The following CAGE1 variants were observed in gnomAD, a reference collection of about 807,000 sequenced individuals.
CAGE1 encodes cancer antigen 1, also known as cancer-associated gene 1 protein.
A neutral mutation model predicts 94.9 loss-of-function variants in CAGE1; 66 were observed. The observed-to-expected ratio is 0.70, with a 90% confidence interval of 0.57 to 0.85. The LOEUF (loss-of-function observed/expected upper bound fraction) is 0.85, where lower values mean the gene tolerates loss of function less well. Among genes scored for constraint, CAGE1 ranks in the 40% least tolerant of loss-of-function variants. The pLI is 0.00. For missense variants in CAGE1, 865 were observed against 950.4 expected (o/e 0.91, Z 1.18); for synonymous variants, 319 against 321.0 (o/e 0.99, Z 0.07).
chr6:7,369,535 T>C (rs1435830120), intron 6 of CAGE1, among the ~76,000 whole-genome samples: 1 of 152,200 alleles, frequency 6.6e-6, no homozygotes, highest in Non-Finnish European at 1.5e-5. Flanking sequence ...CCCCGACTCC[T>C]AACCAAACGT....
intron 4 of CAGE1, 68 bp from the exon 5 acceptor site, chr6:7,374,199 G>A: frequency 2.3e-6 from 3 of 1,315,012 alleles, no homozygotes; most frequent in East Asian, 2.3e-5. Flanking sequence ...AGTCAAATAG[G>A]GCTGGCCTTG....
intron 5 of CAGE1, among the ~76,000 whole-genome samples, chr6:7,372,867 G>A (rs753882001): frequency 3.2e-4 from 48 of 151,970 alleles, no homozygotes; most frequent in Non-Finnish European, 5.9e-4. Flanking sequence ...TTGTAGAGAT[G>A]GGGTCTCACT....
In CAGE1 at chr6:7,389,519, G is replaced by A. The variant is rs532284252; in HGVS notation, c.-341C>T. On this transcript the variant is annotated 5_prime_UTR_variant, in exon 1 of 14. Coordinates refer to ENST00000502583, the MANE Select transcript of CAGE1 (RefSeq NM_001170692.2). ...CGAGCGACCCTACTGTGGGTGCGGT[G>A]TCTTCCCAGAGAGTGGTGAAGTTAG... is the stretch of plus-strand genomic sequence containing the variant. 23 of 356,150 alleles carry A rather than the reference G, an allele frequency of 6.5e-5. No individual in the cohort carries two copies. The East Asian group carries it at 1.2e-3, about 18-fold the overall frequency. The allele number at this position is 356,150 out of a possible 1,614,324, so 22.1% of individuals were successfully genotyped here.
intron 11 of CAGE1, among the ~76,000 whole-genome samples, chr6:7,354,247 A>C (rs1759878060): frequency 6.6e-6 from 1 of 152,182 alleles, no homozygotes; most frequent in African/African-American, 2.4e-5. Flanking sequence ...CTTGGTTATA[A>C]GCTGAAGAGG....
intron 11 of CAGE1, among the ~76,000 whole-genome samples, chr6:7,334,504 G>T (rs183636115): frequency 6.6e-6 from 1 of 152,082 alleles, no homozygotes; most frequent in African/African-American, 2.4e-5. Context: ...TGAGGCAGGC[G>T]AGTCTCTTGA....
chr6:7,347,467 CT>C (rs1300885951), intron 11 of CAGE1: 3 of 140,816 alleles, frequency 2.1e-5, no homozygotes, highest in Admixed American at 7.8e-5. Flanking sequence ...CAAGCAGGCC[CT>C]TCCTGCCTGG....
In CAGE1 at chr6:7,368,762, T is replaced by G; in HGVS notation, c.1930A>C (p.Ser644Arg). The G allele has an allele frequency of 6.4e-7, 1 of 1,558,706 alleles. No homozygotes were observed. ...INSDAEHFKE[S>R]EKVSDIMLQK... is the part of the protein sequence containing the mutation. ...AGCATTATATCACTAACCTTCTCAC[T>G]CTCTTTGAAATGTTCAGCATCAGAA... Residue 644 changes from serine (S) to arginine (R), a missense_variant, in exon 7 of 14, where the codon AGT becomes CGT. Coordinates refer to ENST00000502583, the MANE Select transcript of CAGE1 (RefSeq NM_001170692.2).
intron 3 of CAGE1, among the ~76,000 whole-genome samples, chr6:7,379,840 T>C (rs139033803): frequency 2.5e-4 from 38 of 152,366 alleles, no homozygotes; most frequent in African/African-American, 8.2e-4. Context: ...AGTACTTTTT[T>C]TCACAGTACC....
At chr6:7,333,699 C>T (rs539716981) in intron 12 of CAGE1, among the ~76,000 whole-genome samples, 2 of 144,970 alleles carry the variant, frequency 1.4e-5, no homozygotes, top group South Asian at 4.3e-4. Context: ...GACAGAGTCC[C>T]ACTCTGTTGC....
Position 7,356,090 on chromosome 6 carries a change from G to T in CAGE1, c.2233C>A (p.His745Asn). 1 of 1,550,468 alleles carries T rather than the reference G, an allele frequency of 6.4e-7. No individual in the cohort carries two copies. Among genetic ancestry groups the T allele is most frequent in the Non-Finnish European group, 8.7e-7 (1 of 1,145,774 alleles). ...LGHLLESKEN[H>N]CNRLIEENDK... ...TTTTCTTCAATGAGTCTGTTGCAGT[G>T]GTTTTCTTTTGACTCTAGGAGATGT... The change falls in exon 10 of 14, where the codon CAC (histidine) becomes AAC (asparagine). Residue 745 changes from histidine to asparagine, a missense_variant. Coordinates refer to ENST00000502583, the MANE Select transcript of CAGE1 (RefSeq NM_001170692.2).
At chr6:7,376,250 G>A (rs927519085) in intron 4 of CAGE1, among the ~76,000 whole-genome samples, 8 of 151,932 alleles carry the variant, frequency 5.3e-5, no homozygotes, top group African/African-American at 1.2e-4. Flanking sequence ...TTAGCTGGGC[G>A]TGGTGGCACA....
At chr6:7,340,954 C>A in intron 11 of CAGE1, 1 of 431,406 alleles carries the variant, frequency 2.3e-6, no homozygotes, top group Non-Finnish European at 4.6e-6. Flanking sequence ...TACATACAGG[C>A]TTTGCCACAG....
intron 4 of CAGE1, among the ~76,000 whole-genome samples, 187 bp from the exon 5 acceptor site, chr6:7,374,318 G>A (rs1447838485): frequency 1.3e-5 from 2 of 152,128 alleles, no homozygotes; most frequent in African/African-American, 2.4e-5. Context: ...TGTATTAATT[G>A]CTAAATGTTT....
intron 13 of CAGE1, among the ~76,000 whole-genome samples, chr6:7,327,932 AAAATAAAT>A (rs56109246): frequency 0.053 from 7,880 of 149,636 alleles, 526 homozygotes; most frequent in African/African-American, 0.16. Flanking sequence ...CTCCGTCTAA[AAAATAAAT>A]AAATAAATAA....
intron 5 of CAGE1, among the ~76,000 whole-genome samples, chr6:7,372,676 T>C (rs1760580184): frequency 6.6e-6 from 1 of 152,108 alleles, no homozygotes. Flanking sequence ...TTTTTCTTTT[T>C]TTCTTTTTTT....
In CAGE1 at chr6:7,341,422, T is replaced by C. The variant is rs1023614674; in HGVS notation, c.2370-7332A>G. ...GTGATGGATTCATCAAAAACACAGA[T>C]AGCATGTAAATCTCATCTATGATCA... On this transcript the variant is annotated intron_variant, in intron 11 of 13. Coordinates refer to ENST00000502583, the MANE Select transcript of CAGE1 (RefSeq NM_001170692.2). The C allele has an allele frequency of 7.5e-6, 7 of 934,782 alleles. No homozygotes were observed. In the East Asian group the frequency reaches 1.0e-4, roughly 14 times the overall value. 57.9% of individuals were successfully genotyped at this position (934,782 alleles called of 1,614,324 possible).
Position 7,362,732 on chromosome 6 carries a change from CA to C in CAGE1, c.2193+2735del, listed in dbSNP as rs1284912983. 6.6e-6 allele frequency among the ~76,000 whole-genome samples: 1 copy of C among 152,010 alleles called. No homozygotes were observed. Among genetic ancestry groups the C allele is most frequent in the Non-Finnish European group, 1.5e-5 (1 of 67,968 alleles). ...TCTTCTGGAGTACATTCTGCACTAC[CA>C]AAAAATAAAAACAAAATCCTTTTTA... is the stretch of plus-strand genomic sequence containing the variant. On this transcript the variant is annotated intron_variant, in intron 9 of 13. Transcript: ENST00000502583. The surrounding 1 kb of genome is among the most constrained non-coding windows in gnomAD (Gnocchi z 4.1).
chr6:7,353,064 C>A (rs1245688706), intron 11 of CAGE1, among the ~76,000 whole-genome samples: 1 of 152,074 alleles, frequency 6.6e-6, no homozygotes, highest in South Asian at 2.1e-4. Flanking sequence ...AACTAAAGAG[C>A]TTTTGCATGG....
intron 11 of CAGE1, among the ~76,000 whole-genome samples, chr6:7,346,822 C>G (rs757244119): frequency 1.1e-4 from 16 of 151,180 alleles, no homozygotes; most frequent in Non-Finnish European, 2.2e-4. Flanking sequence ...TGTGCCACTG[C>G]ACTCCAGCCT....
Sources: gnomAD v4.1 joint callset for allele counts (sites outside exome capture counted in the v4.1 genomes callset) on GRCh38, gnomAD v4.1.1 for gene constraint, Gnocchi (gnomAD v3.1) non-coding constraint, MANE v1.5 for transcripts, NCBI Gene and HGNC (gene_info 2026-07-23, HGNC 2026-07-21) for gene names.